GALNT17: variants seen among roughly 807,000 people sequenced by gnomAD.
GALNT17 encodes polypeptide N-acetylgalactosaminyltransferase 17.
In GALNT17, 29 loss-of-function variants were observed where a neutral mutation model predicts 63.7. The ratio of observed to expected loss-of-function variants is 0.46; its 90% CI spans 0.34 to 0.62. The LOEUF is 0.62. Among genes scored for constraint, GALNT17 ranks in the 20% least tolerant of loss-of-function variants. GALNT17 has a pLI of 0.01. For synonymous variants in GALNT17, 305 were observed against 318.3 expected, an observed-to-expected ratio of 0.96 and a Z score of 0.45; for missense variants, 603 against 799.6, an observed-to-expected ratio of 0.75 and a Z score of 2.97.
chr7:71,526,307 A>G (rs1310547074), intron 5 of GALNT17, among the ~76,000 whole-genome samples: 1 of 152,000 alleles, frequency 6.6e-6, no homozygotes, highest in East Asian at 1.9e-4. Flanking sequence ...TCAAAAACCA[A>G]TTTCTTTTCC....
In GALNT17 at chr7:71,148,971, G is replaced by A. The variant is rs552020706; in HGVS notation, c.238+15931G>A. On this transcript the variant is annotated intron_variant, in intron 1 of 10. Transcript: ENST00000333538. Reference sequence around the variant, plus strand: ...TTTTGAGACACAGTCTTGCTCTGTCGCCTAGGCTGGAGTGCAGTGGCACCA... The same window carrying A: ...TTTTGAGACACAGTCTTGCTCTGTCACCTAGGCTGGAGTGCAGTGGCACCA... Among the ~76,000 whole-genome samples the A allele has an allele frequency of 8.4e-4, 125 of 148,836 alleles. 1 individual carries two copies. Among genetic ancestry groups the A allele is most frequent in the South Asian group, 2.4e-3 (11 of 4,680 alleles).
intron 1 of GALNT17, among the ~76,000 whole-genome samples, chr7:71,311,881 G>A (rs17137550): frequency 0.035 from 5,321 of 152,244 alleles, 156 homozygotes; most frequent in East Asian, 0.1. Context: ...TTCCACACTA[G>A]CTGTCCCTCC....
intron 5 of GALNT17, among the ~76,000 whole-genome samples, chr7:71,531,539 A>G (rs1016611318): frequency 2.0e-5 from 3 of 152,172 alleles, no homozygotes; most frequent in South Asian, 2.1e-4. Flanking sequence ...TAAACTTACT[A>G]TGTGCCTGAC....
chr7:71,298,740 A>G lies in GALNT17; in HGVS notation c.239-36810A>G, dbSNP rs73179709. 1.0e-3 allele frequency among the ~76,000 whole-genome samples: 126 copies of G among 126,600 alleles called. 1 individual carries two copies. Among genetic ancestry groups the G allele is most frequent in the African/African-American group, 3.8e-3 (123 of 32,552 alleles). The allele number at this position is 126,600 out of a possible 152,430, so 83.1% of individuals were successfully genotyped here. A position where few individuals can be genotyped will look rare whatever the true frequency, so the allele number is the denominator to read the frequency against. ...TGTGTGTGTGTGTGTGTGTGTGTGT[A>G]TGTATGTGTGTGAATGTGTACACAG... is the stretch of plus-strand genomic sequence containing the variant. On this transcript the variant is annotated intron_variant, in intron 1 of 10. Transcript: ENST00000333538.
At chr7:71,701,870 C>CGT (rs1390700587) in intron 9 of GALNT17, among the ~76,000 whole-genome samples, 1,402 of 46,706 alleles carry the variant, frequency 0.03, 29 homozygotes, top group Non-Finnish European at 0.063. Flanking sequence ...TATATATATA[C>CGT]ATATATATAT....
intron 2 of GALNT17, among the ~76,000 whole-genome samples, chr7:71,339,406 G>T (rs1421528579): frequency 6.6e-6 from 1 of 152,196 alleles, no homozygotes; most frequent in Non-Finnish European, 1.5e-5. Context: ...AAGATGGGGG[G>T]CCAGGCGTGG....
chr7:71,274,121 CCT>C (rs1419054513), intron 1 of GALNT17, among the ~76,000 whole-genome samples: 4 of 152,142 alleles, frequency 2.6e-5, no homozygotes, highest in Admixed American at 1.3e-4. Flanking sequence ...GTGGCTTTTG[CCT>C]GTTTCCCTGG....
chr7:71,313,946 G>A (rs140408357), intron 1 of GALNT17, among the ~76,000 whole-genome samples: 145 of 152,214 alleles, frequency 9.5e-4, no homozygotes, highest in African/African-American at 3.3e-3. Context: ...TGTCATGTGA[G>A]ATGTCAGGAA....
At chr7:71,545,145 T>C (rs1452107044) in intron 5 of GALNT17, among the ~76,000 whole-genome samples, 1 of 152,138 alleles carries the variant, frequency 6.6e-6, no homozygotes, top group Non-Finnish European at 1.5e-5. Context: ...ATTGAACTTA[T>C]CTCTCGTCCC....
At chr7:71,224,768 C>T (rs1365481022) in intron 1 of GALNT17, among the ~76,000 whole-genome samples, 1 of 152,104 alleles carries the variant, frequency 6.6e-6, no homozygotes, top group African/African-American at 2.4e-5. Flanking sequence ...GCTGGAACTG[C>T]TATGAGAGCC....
At chr7:71,540,344 T>G (rs1480036950) in intron 5 of GALNT17, among the ~76,000 whole-genome samples, 1 of 151,774 alleles carries the variant, frequency 6.6e-6, no homozygotes, top group Non-Finnish European at 1.5e-5. Flanking sequence ...CTCGAACTCC[T>G]GACCTCAAGT....
At chr7:71,494,653 C>T (rs1470327731) in intron 5 of GALNT17, among the ~76,000 whole-genome samples, 1 of 152,112 alleles carries the variant, frequency 6.6e-6, no homozygotes, top group Non-Finnish European at 1.5e-5. Flanking sequence ...GCTACTGTGC[C>T]TCACTTGTCA....
chr7:71,377,114 A>AAAATATATATATATATATATATATAT lies in GALNT17; in HGVS notation c.423-11120_423-11119insAATATATATATATATATATATATATA. Among the ~76,000 whole-genome samples the AAAATATATATATATATATATATATAT allele has an allele frequency of 1.2e-4, 7 of 57,482 alleles. 1 individual carries two copies. The highest frequency in any genetic ancestry group is 2.8e-4 in the African/African-American group (3 of 10,662). The allele number at this position is 57,482 out of a possible 152,430, so 37.7% of individuals were successfully genotyped here. A position where few individuals can be genotyped will look rare whatever the true frequency, so the allele number is the denominator to read the frequency against. On this transcript the variant is annotated intron_variant, in intron 2 of 10. Coordinates refer to ENST00000333538, the MANE Select transcript of GALNT17 (RefSeq NM_022479.3). ...AAAAAAAAAAAATAAAAATAAAAAA[A>AAAATATATATATATATATATATATAT]ATATATATATATATATATATATATA...
Position 71,142,638 on chromosome 7 carries a change from G to T in GALNT17, c.238+9598G>T, listed in dbSNP as rs564411497. Among the ~76,000 whole-genome samples, 3 of 152,332 alleles carry T rather than the reference G, an allele frequency of 2.0e-5. No individual in the cohort carries two copies. The East Asian group carries it at 5.8e-4, about 29-fold the overall frequency. ...TGTGGCTTTACCAGGGATGTGCCAG[G>T]TCCCTAAAGAATATTAGACTGGCTG... is the stretch of plus-strand genomic sequence containing the variant. On this transcript the variant is annotated intron_variant, in intron 1 of 10. Transcript: ENST00000333538.
At position 71,420,858 on chromosome 7, in the gene GALNT17, T is replaced by G. The variant is rs200403024; in HGVS notation, c.765-50T>G. 23 of 1,598,938 alleles carry G rather than the reference T, an allele frequency of 1.4e-5. No homozygotes were observed. In the African/African-American group the frequency reaches 3.1e-4, roughly 21 times the overall value. ...TCATTCCGTGTGGTCTTGGGAGGTG[T>G]GCCTCACGGGAGAGAAGAGAGGTTT... On this transcript the variant is annotated intron_variant, in intron 4 of 10. Transcript: ENST00000333538.
intron 1 of GALNT17, among the ~76,000 whole-genome samples, chr7:71,272,101 T>C (rs10950253): frequency 0.5 from 76,615 of 152,074 alleles, 19,751 homozygotes; most frequent in Non-Finnish European, 0.54. Context: ...CTGTCATACA[T>C]TGGAAATGGA....
chr7:71,647,450 A>G (rs1402517657), intron 6 of GALNT17, among the ~76,000 whole-genome samples: 1 of 152,012 alleles, frequency 6.6e-6, no homozygotes, highest in African/African-American at 2.4e-5. Flanking sequence ...TCCTGCTCCT[A>G]CAGGAACTGG....
chr7:71,241,039 C>T (rs1260214279), intron 1 of GALNT17, among the ~76,000 whole-genome samples: 2 of 152,136 alleles, frequency 1.3e-5, no homozygotes, highest in African/African-American at 2.4e-5. Flanking sequence ...GAAATGGCAG[C>T]ATTTTGGGGA....
chr7:71,514,584 C>G (rs1214975334), intron 5 of GALNT17, among the ~76,000 whole-genome samples: 2 of 152,176 alleles, frequency 1.3e-5, no homozygotes, highest in African/African-American at 4.8e-5. Flanking sequence ...TAAAAATCTC[C>G]TAACGGGCCC....
Sources: allele counts gnomAD v4.1 joint callset (sites outside exome capture counted in the v4.1 genomes callset), GRCh38; gene constraint gnomAD v4.1.1; transcripts MANE v1.5; gene names NCBI Gene and HGNC (gene_info 2026-07-23, HGNC 2026-07-21).